The following PVT1 variants were observed in gnomAD, a reference collection of about 807,000 sequenced individuals.
The protein encoded by PVT1 is Pvt1 oncogene.
At chr8:127,846,915 A>G (rs1453766598) in intron 2 of PVT1, among the ~76,000 whole-genome samples, 1 of 149,388 alleles carries the variant, frequency 6.7e-6, no homozygotes, top group Non-Finnish European at 1.5e-5. Context: ...TCCTGTCCTC[A>G]GGTGATCCGC....
chr8:128,042,064 T>G (rs1289075065), intron 4 of PVT1, among the ~76,000 whole-genome samples: 2 of 152,208 alleles, frequency 1.3e-5, no homozygotes, highest in African/African-American at 4.8e-5. Context: ...CTCTTGGTAC[T>G]GAGTAATCCC....
intron 4 of PVT1, among the ~76,000 whole-genome samples, chr8:128,032,512 C>T (rs952925107): frequency 2.0e-5 from 3 of 152,132 alleles, no homozygotes; most frequent in African/African-American, 7.2e-5. Flanking sequence ...CATCAGTAGC[C>T]CTGGGATATG....
rs973931446 is a variant in PVT1 at position 128,008,333 on chromosome 8, G to A, written n.912+19042G>A. ...TGAGAACAAAAGTGTCTTCTCTTGA[G>A]TGAGGGCCTGTTATGTGCCCTGACT... On this transcript the variant is annotated intron_variant and non_coding_transcript_variant, in intron 4 of 10. Transcript: ENST00000651587. Among the ~76,000 whole-genome samples, 9 of 152,334 alleles carry A rather than the reference G, an allele frequency of 5.9e-5. No homozygotes were observed. In the South Asian group the frequency reaches 1.9e-3, roughly 32 times the overall value.
chr8:128,065,309 A>G (rs1165637482), intron 4 of PVT1, among the ~76,000 whole-genome samples: 4 of 152,012 alleles, frequency 2.6e-5, no homozygotes, highest in Non-Finnish European at 4.4e-5. Flanking sequence ...CTCATGCCTC[A>G]GCCTCCAGAG....
chr8:128,009,401 AT>A (rs1369558076), intron 4 of PVT1, among the ~76,000 whole-genome samples: 3 of 152,190 alleles, frequency 2.0e-5, no homozygotes, highest in African/African-American at 7.2e-5. Context: ...AATGTGTTTA[AT>A]AGCCCTCTTT....
At chr8:127,886,496 C>G (rs1815525962) in intron 2 of PVT1, among the ~76,000 whole-genome samples, 1 of 152,124 alleles carries the variant, frequency 6.6e-6, no homozygotes, top group Non-Finnish European at 1.5e-5. Flanking sequence ...CTGAGGCTCT[C>G]TTCAATTTTT....
At chr8:128,096,154 G>C (rs1364375724) in intron 5 of PVT1, among the ~76,000 whole-genome samples, 3 of 152,230 alleles carry the variant, frequency 2.0e-5, no homozygotes, top group East Asian at 3.8e-4. Flanking sequence ...GGAGTCCACT[G>C]TGTTTGTGGG....
At chr8:127,975,715 T>C (rs879262467) in intron 3 of PVT1, among the ~76,000 whole-genome samples, 2 of 152,220 alleles carry the variant, frequency 1.3e-5, no homozygotes, top group Admixed American at 6.5e-5. Flanking sequence ...CCCCTAGATT[T>C]GTCTTATGAG....
Position 127,950,605 on chromosome 8 carries a change from G to A in PVT1, n.783-38557G>A, listed in dbSNP as rs76349855. Among the ~76,000 whole-genome samples, 1,438 of 152,314 alleles carry A rather than the reference G, an allele frequency of 9.4e-3. 33 individuals carry two copies. The highest frequency in any genetic ancestry group is 0.033 in the African/African-American group (1,388 of 41,572). On this transcript the variant is annotated intron_variant and non_coding_transcript_variant, in intron 3 of 10. Transcript: ENST00000651587. Reference sequence around the variant, plus strand: ...ACTCTTGGGAGAAAAGCTGATTGGGGGATGGGAAGAGACAGCTGGCAGTCA... The same window carrying A: ...ACTCTTGGGAGAAAAGCTGATTGGGAGATGGGAAGAGACAGCTGGCAGTCA...
intron 3 of PVT1, among the ~76,000 whole-genome samples, chr8:127,894,730 C>T (rs1033709426): frequency 1.1e-4 from 17 of 152,234 alleles, no homozygotes; most frequent in Admixed American, 6.5e-5. Flanking sequence ...CTATTAGTGA[C>T]ATGTGGACCT....
chr8:128,044,322 A>G (rs897966778), intron 4 of PVT1, among the ~76,000 whole-genome samples: 2 of 151,540 alleles, frequency 1.3e-5, no homozygotes, highest in Non-Finnish European at 2.9e-5. Flanking sequence ...GACACCCCCA[A>G]CCCCTCATGA....
At chr8:127,979,798 G>A (rs1816862980) in intron 3 of PVT1, among the ~76,000 whole-genome samples, 1 of 152,148 alleles carries the variant, frequency 6.6e-6, no homozygotes, top group Non-Finnish European at 1.5e-5. Context: ...AGGGCTGATA[G>A]CTGATGGTCA....
intron 2 of PVT1, among the ~76,000 whole-genome samples, chr8:127,805,075 C>A (rs564430826): frequency 1.3e-5 from 2 of 151,530 alleles, no homozygotes; most frequent in South Asian, 4.2e-4. Context: ...GCATTACAGG[C>A]GCTCACCACC....
chr8:127,867,141 C>T (rs552360193), intron 2 of PVT1, among the ~76,000 whole-genome samples: 10 of 152,348 alleles, frequency 6.6e-5, no homozygotes, highest in South Asian at 6.2e-4. Context: ...CGGCCTTCCT[C>T]GGGCTTGCTT....
intron 3 of PVT1, among the ~76,000 whole-genome samples, chr8:127,988,498 G>A (rs1816994866): frequency 1.3e-5 from 2 of 152,258 alleles, no homozygotes. Flanking sequence ...GTGGCCCCTG[G>A]GCCTCATTCT....
chr8:128,093,796 C>A (rs1814392535), intron 5 of PVT1, among the ~76,000 whole-genome samples: 1 of 151,970 alleles, frequency 6.6e-6, no homozygotes, highest in African/African-American at 2.4e-5. Flanking sequence ...CGCCACCACG[C>A]CCAGTTAATT....
intron 3 of PVT1, among the ~76,000 whole-genome samples, chr8:127,966,223 A>C (rs1213992156): frequency 6.6e-6 from 1 of 152,182 alleles, no homozygotes; most frequent in East Asian, 1.9e-4. Flanking sequence ...TATGGTATTG[A>C]ATTTACCTGG....
At chr8:128,019,002 C>T (rs1036546599) in intron 4 of PVT1, among the ~76,000 whole-genome samples, 5 of 152,180 alleles carry the variant, frequency 3.3e-5, no homozygotes, top group East Asian at 1.9e-4. Context: ...TCCAGCTTCC[C>T]GGAAAGACCT....
At chr8:127,973,336 C>T (rs1165318886) in intron 3 of PVT1, among the ~76,000 whole-genome samples, 4 of 152,212 alleles carry the variant, frequency 2.6e-5, no homozygotes, top group South Asian at 2.1e-4. Context: ...GTTAGTGAGC[C>T]GCGACTACTG....
Sources: allele counts gnomAD v4.1 joint callset (sites outside exome capture counted in the v4.1 genomes callset), GRCh38; gene constraint gnomAD v4.1.1; transcripts MANE v1.5; gene names NCBI Gene and HGNC (gene_info 2026-07-23, HGNC 2026-07-21).